CRTAP: variants seen among roughly 807,000 people sequenced by gnomAD.
CRTAP encodes the protein cartilage-associated protein.
Under a neutral mutation model 42.7 loss-of-function variants are expected in CRTAP, and 33 were observed. That is an observed-to-expected ratio of 0.77 (90% confidence interval 0.59 to 1.03). CRTAP has a LOEUF of 1.03. Ranked by LOEUF, CRTAP falls within the 50% of genes least tolerant of loss-of-function variation. The pLI is 0.00. For missense variants in CRTAP, 613 were observed against 533.9 expected, an observed-to-expected ratio of 1.15 and a Z score of -1.46; for synonymous variants, 243 against 217.7, an observed-to-expected ratio of 1.12 and a Z score of -1.02.
intron 4 of CRTAP, among the ~76,000 whole-genome samples, chr3:33,132,213 T>A (rs2030287140): frequency 6.6e-6 from 1 of 152,214 alleles, no homozygotes; most frequent in Non-Finnish European, 1.5e-5. Flanking sequence ...ACCTGTTTGC[T>A]GAGCACATCC....
In CRTAP at chr3:33,131,266, G is replaced by C. The variant is rs1362428933; in HGVS notation, c.922+1199G>C. Among the ~76,000 whole-genome samples the C allele has an allele frequency of 2.9e-5, 4 of 138,286 alleles. No homozygotes were observed. The East Asian group carries it at 7.9e-4, about 27-fold the overall frequency. 90.7% of individuals were successfully genotyped at this position (138,286 alleles called of 152,430 possible). A position where few individuals can be genotyped will look rare whatever the true frequency, so the allele number is the denominator to read the frequency against. ...TGTGGTAATTGTGTTTTTTTTTTGC[G>C]GGGGGGGGTTCCTCTTTATCTCACC... On this transcript the variant is annotated intron_variant, in intron 4 of 6. Transcript: ENST00000320954.
At chr3:33,119,399 G>C (rs1575514449) in intron 1 of CRTAP, among the ~76,000 whole-genome samples, 2 of 152,128 alleles carry the variant, frequency 1.3e-5, no homozygotes, top group Admixed American at 6.5e-5. Flanking sequence ...TAAAATGCGG[G>C]AAGACAGAAC....
intron 6 of CRTAP, among the ~76,000 whole-genome samples, chr3:33,137,781 G>T (rs929726156): frequency 1.2e-4 from 19 of 152,146 alleles, no homozygotes; most frequent in African/African-American, 4.3e-4. Context: ...CTAATCCAAG[G>T]TCACAAAGAT....
intron 2 of CRTAP, among the ~76,000 whole-genome samples, chr3:33,120,708 T>G (rs917952572): frequency 3.3e-5 from 5 of 152,266 alleles, no homozygotes; most frequent in African/African-American, 1.2e-4. Context: ...CATGTTCCCT[T>G]TAAATGCTAC....
intron 6 of CRTAP, among the ~76,000 whole-genome samples, chr3:33,142,082 G>A (rs193223300): frequency 2.0e-5 from 3 of 152,182 alleles, no homozygotes; most frequent in Non-Finnish European, 4.4e-5. Context: ...ACACATGAGA[G>A]GGGAGGAAGG....
At chr3:33,119,263 C>T (rs1289505482) in intron 1 of CRTAP, among the ~76,000 whole-genome samples, 3 of 152,076 alleles carry the variant, frequency 2.0e-5, no homozygotes, top group Non-Finnish European at 2.9e-5. Context: ...CTTATTGTGT[C>T]CTGCCTTGTC....
At chr3:33,120,730 A>G (rs745788037) in intron 2 of CRTAP, among the ~76,000 whole-genome samples, 29 of 152,230 alleles carry the variant, frequency 1.9e-4, no homozygotes, top group Admixed American at 6.5e-4. Context: ...TTTTAGAAAT[A>G]TGGTCATTTA....
intron 1 of CRTAP, among the ~76,000 whole-genome samples, chr3:33,119,076 T>A (rs1435266955): frequency 1.3e-5 from 2 of 152,196 alleles, no homozygotes; most frequent in Non-Finnish European, 2.9e-5. Context: ...GAGTGCAGGC[T>A]TTTTTCAAGT....
chr3:33,117,626 C>T (rs1359931180), intron 1 of CRTAP, among the ~76,000 whole-genome samples: 2 of 152,198 alleles, frequency 1.3e-5, no homozygotes, highest in Non-Finnish European at 2.9e-5. Context: ...CACTGTTAAC[C>T]CCAGGCCTTG....
chr3:33,142,811 C>T lies in CRTAP; in HGVS notation c.*363C>T, dbSNP rs1049097560. 2.1e-5 allele frequency: 5 copies of T among 235,342 alleles called. No homozygotes were observed. Among genetic ancestry groups the T allele is most frequent in the Admixed American group, 9.8e-5 (2 of 20,354 alleles). 14.6% of individuals were successfully genotyped at this position (235,342 alleles called of 1,614,324 possible). On this transcript the variant is annotated 3_prime_UTR_variant, in exon 7 of 7. Transcript: ENST00000320954. ...CTGGGATTACAGGCATGTGCCACCA[C>T]GCCCGGCTAATTTTGTATTTTTAGT...
chr3:33,138,824 T>C (rs867937874), intron 6 of CRTAP, among the ~76,000 whole-genome samples: 1 of 151,380 alleles, frequency 6.6e-6, no homozygotes, highest in African/African-American at 2.4e-5. Flanking sequence ...CTGGGCAACA[T>C]AGCAAGACCC....
At chr3:33,116,385 G>A (rs1009174148) in intron 1 of CRTAP, among the ~76,000 whole-genome samples, 1 of 152,052 alleles carries the variant, frequency 6.6e-6, no homozygotes, top group Non-Finnish European at 1.5e-5. Context: ...TTGAGACACA[G>A]TTTCACTTTG....
At chr3:33,135,455 C>T (rs1399398371) in intron 6 of CRTAP, among the ~76,000 whole-genome samples, 2 of 151,990 alleles carry the variant, frequency 1.3e-5, no homozygotes, top group African/African-American at 4.8e-5. Context: ...GGTAAAACCT[C>T]GTCTCTACAA....
chr3:33,127,244 T>C (rs978939811), intron 3 of CRTAP, among the ~76,000 whole-genome samples: 8 of 151,864 alleles, frequency 5.3e-5, no homozygotes, highest in African/African-American at 1.7e-4. Flanking sequence ...TCTCACAGTA[T>C]AGATATATAG....
intron 2 of CRTAP, among the ~76,000 whole-genome samples, chr3:33,122,121 T>C (rs966740699): frequency 1.3e-5 from 2 of 152,162 alleles, no homozygotes; most frequent in Admixed American, 6.5e-5. Flanking sequence ...GTTGTTTTCA[T>C]AGGGTTTGGG....
At chr3:33,128,306 A>C (rs945130919) in intron 3 of CRTAP, among the ~76,000 whole-genome samples, 3 of 152,028 alleles carry the variant, frequency 2.0e-5, no homozygotes, top group South Asian at 2.1e-4. Context: ...CCAGTTCAGA[A>C]TCATGCTTCC....
chr3:33,126,230 T>G (rs1448908132), intron 3 of CRTAP, among the ~76,000 whole-genome samples: 4 of 152,254 alleles, frequency 2.6e-5, no homozygotes, highest in Non-Finnish European at 5.9e-5. Flanking sequence ...TATTTGCCTT[T>G]TTGTGACTGA....
intron 6 of CRTAP, among the ~76,000 whole-genome samples, chr3:33,141,570 A>G (rs2030573574): frequency 6.6e-6 from 1 of 152,216 alleles, no homozygotes; most frequent in Non-Finnish European, 1.5e-5. Flanking sequence ...TGGGATGGTG[A>G]GCTCAGTGAA....
At chr3:33,120,997 C>T (rs369288702) in intron 2 of CRTAP, among the ~76,000 whole-genome samples, 3 of 152,112 alleles carry the variant, frequency 2.0e-5, no homozygotes, top group Admixed American at 6.6e-5. Context: ...GAGAATTAGT[C>T]GTAAGAACAA....
Sources: allele counts gnomAD v4.1 joint callset (sites outside exome capture counted in the v4.1 genomes callset), GRCh38; gene constraint gnomAD v4.1.1; transcripts MANE v1.5; gene names NCBI Gene and HGNC (gene_info 2026-07-23, HGNC 2026-07-21).